The following EBF4 variants were observed in gnomAD, a reference collection of about 807,000 sequenced individuals.
The protein encoded by EBF4 is transcription factor COE4.
EBF4 carries 34 observed loss-of-function variants against 67.1 expected under a neutral mutation model. The observed-to-expected ratio is 0.51, with a 90% CI of 0.39 to 0.67. EBF4 has a LOEUF of 0.67. Ranked by LOEUF, EBF4 falls within the 30% of genes least tolerant of loss-of-function variation. The pLI is 0.00. For missense variants in EBF4, 837 were observed against 873.3 expected, an observed-to-expected ratio of 0.96 and a Z score of 0.52; for synonymous variants, 387 against 377.7, an observed-to-expected ratio of 1.02 and a Z score of -0.29.
At chr20:2,748,857 G>A (rs1341345319) in intron 7 of EBF4, among the ~76,000 whole-genome samples, 1 of 152,246 alleles carries the variant, frequency 6.6e-6, no homozygotes, top group Admixed American at 6.5e-5. Context: ...TCCCACTTAA[G>A]AAGATGCTAA....
chr20:2,695,111 G>T (rs1197560618), intron 1 of EBF4, among the ~76,000 whole-genome samples: 2 of 146,338 alleles, frequency 1.4e-5, no homozygotes, highest in Admixed American at 6.8e-5. Context: ...CTATTCTTCT[G>T]TTGGTTCTGG....
At chr20:2,703,637 T>G (rs2087408585) in intron 1 of EBF4, among the ~76,000 whole-genome samples, 1 of 151,176 alleles carries the variant, frequency 6.6e-6, no homozygotes. Flanking sequence ...CACTCCAGCC[T>G]GCGTGACAGA....
In EBF4 at chr20:2,700,986, C is replaced by T. The variant is rs982376454; in HGVS notation, c.138-4591C>T. ...TGGCAGGGCTATGAACAGGGTGAGCCGGAGACATTCCCAGGCAAGGGGCAG... is the reference window on the plus strand; with the variant it reads ...TGGCAGGGCTATGAACAGGGTGAGCTGGAGACATTCCCAGGCAAGGGGCAG... On this transcript the variant is annotated intron_variant, in intron 1 of 16. Coordinates refer to ENST00000609451, the Ensembl canonical transcript of EBF4. Among the ~76,000 whole-genome samples, 77 of 152,198 alleles carry T rather than the reference C, an allele frequency of 5.1e-4. 1 individual carries two copies. Among genetic ancestry groups the T allele is most frequent in the African/African-American group, 1.8e-3 (74 of 41,430 alleles).
chr20:2,759,092 C>T (rs2088287695), intron 16 of EBF4, 108 bp downstream of exon 16: 1 of 1,105,592 alleles, frequency 9.0e-7, no homozygotes, highest in Non-Finnish European at 1.3e-6. Flanking sequence ...AGCAGCCCCA[C>T]AGGGATGGGG....
At chr20:2,752,673 G>T (rs569118046) in intron 14 of EBF4, 128 bp downstream of exon 14, 2 of 836,574 alleles carry the variant, frequency 2.4e-6, no homozygotes, top group Non-Finnish European at 3.2e-6. Flanking sequence ...CTCAGCCCTC[G>T]GGGTCAGGCC....
At chr20:2,703,117 C>T (rs143878196) in intron 1 of EBF4, among the ~76,000 whole-genome samples, 85 of 151,986 alleles carry the variant, frequency 5.6e-4, no homozygotes, top group Middle Eastern at 3.4e-3. Flanking sequence ...ATTATCCAGG[C>T]ATGGTGGTGC....
At chr20:2,752,519 G>A (rs2088171511) in exon 14 of EBF4, 1 of 1,252,590 alleles carries the variant, frequency 8.0e-7, no homozygotes, top group Non-Finnish European at 1.0e-6. Context: ...TTCCTCAATG[G>A]CTCCACCGCC....
At chr20:2,701,032 T>C (rs1427693064) in intron 1 of EBF4, among the ~76,000 whole-genome samples, 5 of 152,194 alleles carry the variant, frequency 3.3e-5, no homozygotes, top group Admixed American at 3.3e-4. Context: ...GCTGCAGGGC[T>C]CTTGCCCACT....
chr20:2,723,225 A>G (rs1389676205), intron 6 of EBF4, among the ~76,000 whole-genome samples: 1 of 152,116 alleles, frequency 6.6e-6, no homozygotes, highest in Non-Finnish European at 1.5e-5. Context: ...GTTTTATCTG[A>G]TATTATTTAC....
intron 15 of EBF4, chr20:2,758,688 G>A (rs1318197205): frequency 2.6e-5 from 15 of 583,016 alleles, no homozygotes; most frequent in Non-Finnish European, 4.3e-5. Flanking sequence ...TCTCTCTCTT[G>A]AGGGAGGTAG....
intron 12 of EBF4, 40 bp from the exon 13 acceptor site, chr20:2,752,046 C>A (rs1370024154): frequency 3.4e-6 from 5 of 1,470,636 alleles, no homozygotes; most frequent in Non-Finnish European, 4.5e-6. Context: ...CACGCGGCGC[C>A]CGCGGCTGCC....
In EBF4 at chr20:2,707,948, C is replaced by T. The variant is rs1412432163; in HGVS notation, c.416C>T (p.Ala139Val). The change falls in exon 5 of 17, where the codon GCC (alanine) becomes GTC (valine). Residue 139 changes from alanine (A) to valine (V), a missense_variant and splice_region_variant. Physicochemically the swap from Ala to Val is moderately conservative, Grantham distance 64. This residue lies in a region of EBF4 where 226 missense variants were observed against 306.5 expected (regional missense o/e 0.74). Transcript: ENST00000609451. This position sits in a 1 kb window ranked among gnomAD's most constrained non-coding sequence, Gnocchi z 4.6. ...GCCTGTGCACCTCCCTCTCCCCAGG[C>T]CATCATCTATGAGGGGCAGGACAAG... 6.3e-7 allele frequency: 1 copy of T among 1,595,860 alleles called. No homozygotes were observed. Among genetic ancestry groups the T allele is most frequent in the Non-Finnish European group, 8.5e-7 (1 of 1,170,320 alleles).
At chr20:2,726,946 C>T (rs1360052770) in intron 6 of EBF4, among the ~76,000 whole-genome samples, 1 of 152,122 alleles carries the variant, frequency 6.6e-6, no homozygotes, top group Admixed American at 6.5e-5. Flanking sequence ...CCTCTCCCCC[C>T]AGCCCGTAGT....
chr20:2,713,475 G>C (rs1292488805), intron 6 of EBF4, among the ~76,000 whole-genome samples: 1 of 152,154 alleles, frequency 6.6e-6, no homozygotes, highest in Non-Finnish European at 1.5e-5. Context: ...GAGAGTGAGT[G>C]AACCAGGGGG....
At chr20:2,736,643 C>T (rs73581924) in intron 6 of EBF4, among the ~76,000 whole-genome samples, 14,984 of 152,240 alleles carry the variant, frequency 0.098, 812 homozygotes, top group Admixed American at 0.13. Context: ...TGGGTCAGTG[C>T]TGAGGTGAGA....
chr20:2,752,615 C>G, intron 14 of EBF4, 70 bp downstream of exon 14: 1 of 1,175,612 alleles, frequency 8.5e-7, no homozygotes, highest in Non-Finnish European at 1.1e-6. Flanking sequence ...CCCGCCCCCG[C>G]CCATCCCGGA....
chr20:2,754,624 C>A (rs912765448), intron 14 of EBF4, among the ~76,000 whole-genome samples: 8 of 152,310 alleles, frequency 5.3e-5, no homozygotes, highest in African/African-American at 1.9e-4. Flanking sequence ...CCTTCTCAGG[C>A]TATTGCTTTC....
At chr20:2,738,423 C>G (rs1452157159) in intron 6 of EBF4, among the ~76,000 whole-genome samples, 1 of 152,074 alleles carries the variant, frequency 6.6e-6, no homozygotes, top group East Asian at 1.9e-4. Flanking sequence ...CTCTTCTGTT[C>G]GTGGACTCTG....
intron 6 of EBF4, among the ~76,000 whole-genome samples, chr20:2,726,557 G>A (rs188920657): frequency 1.1e-4 from 17 of 150,092 alleles, no homozygotes; most frequent in Non-Finnish European, 1.9e-4. Flanking sequence ...CTCTAGCCTA[G>A]GTGAGAAAGA....
Sources: gnomAD v4.1 joint callset for allele counts (sites outside exome capture counted in the v4.1 genomes callset) on GRCh38, gnomAD v4.1.1 for gene constraint, gnomAD v4.1.1 regional missense constraint, Gnocchi (gnomAD v3.1) non-coding constraint, MANE v1.5 for transcripts, NCBI Gene and HGNC (gene_info 2026-07-23, HGNC 2026-07-21) for gene names.